PCDH7: variants seen among roughly 807,000 people sequenced by gnomAD.
The protein encoded by PCDH7 is protocadherin-7.
In PCDH7, 17 loss-of-function variants were observed where a neutral mutation model predicts 58.9. The ratio of observed to expected loss-of-function variants is 0.29; its 90% CI spans 0.20 to 0.43. The LOEUF is 0.43. Among genes scored for constraint, PCDH7 ranks in the 20% least tolerant of loss-of-function variants. PCDH7 has a pLI of 1.00. For synonymous variants in PCDH7, 664 were observed against 616.4 expected (o/e 1.08, Z -1.14); for missense variants, 1,274 against 1,441.0 (o/e 0.88, Z 1.88).
chr4:30,855,786 C>T (rs1014287591), intron 1 of PCDH7, among the ~76,000 whole-genome samples: 2 of 152,076 alleles, frequency 1.3e-5, no homozygotes, highest in Non-Finnish European at 2.9e-5. Flanking sequence ...TTATTATACA[C>T]GTATTCACCC....
intron 3 of PCDH7, among the ~76,000 whole-genome samples, chr4:30,975,143 TTGTGTGTGTGTGTG>T (rs35675648): frequency 0.012 from 1,731 of 138,838 alleles, 19 homozygotes; most frequent in African/African-American, 0.012. Flanking sequence ...TTCCCTTTCA[TTGTGTGTGTGTGTG>T]TGTGTGTGTG....
chr4:31,058,866 T>C (rs1301781631), intron 3 of PCDH7, among the ~76,000 whole-genome samples: 3 of 151,884 alleles, frequency 2.0e-5, no homozygotes, highest in African/African-American at 7.2e-5. Flanking sequence ...ATAGAAGAAT[T>C]AACAAAAGCA....
intron 3 of PCDH7, among the ~76,000 whole-genome samples, chr4:30,999,279 G>A (rs28457098): frequency 0.095 from 14,388 of 152,050 alleles, 1,103 homozygotes; most frequent in East Asian, 0.3. Context: ...TTGCCTGTGA[G>A]CATAATTATT....
intron 1 of PCDH7, among the ~76,000 whole-genome samples, chr4:30,883,553 C>G (rs1210626306): frequency 2.0e-5 from 3 of 152,122 alleles, no homozygotes; most frequent in Non-Finnish European, 2.9e-5. Flanking sequence ...CCATGGCAAC[C>G]CCAAAGACCC....
At chr4:31,060,413 A>G (rs1258509406) in intron 3 of PCDH7, among the ~76,000 whole-genome samples, 2 of 151,652 alleles carry the variant, frequency 1.3e-5, no homozygotes, top group East Asian at 1.9e-4. Context: ...AGGTTCTTAA[A>G]TGCTTTTGTC....
chr4:30,891,708 A>C (rs1439310500), intron 1 of PCDH7, among the ~76,000 whole-genome samples: 1 of 151,994 alleles, frequency 6.6e-6, no homozygotes. Context: ...TTATTGATTA[A>C]TATAAAACTG....
chr4:31,135,274 G>T (rs544818945), intron 3 of PCDH7, among the ~76,000 whole-genome samples: 20 of 152,276 alleles, frequency 1.3e-4, no homozygotes, highest in Non-Finnish European at 2.4e-4. Flanking sequence ...TATCTTAGGG[G>T]CAAGTTTCAA....
intron 1 of PCDH7, among the ~76,000 whole-genome samples, chr4:30,727,120 T>G (rs1028663875): frequency 6.6e-6 from 1 of 151,944 alleles, no homozygotes; most frequent in Non-Finnish European, 1.5e-5. Flanking sequence ...GTTGTATTCT[T>G]TCAATTCCAT....
intron 3 of PCDH7, among the ~76,000 whole-genome samples, chr4:31,040,674 A>G (rs2109203502): frequency 6.6e-6 from 1 of 152,292 alleles, no homozygotes. Context: ...TCATTAGGTA[A>G]GCCTTTACTC....
At chr4:31,044,762 T>G (rs1477194607) in intron 3 of PCDH7, among the ~76,000 whole-genome samples, 2 of 152,096 alleles carry the variant, frequency 1.3e-5, no homozygotes, top group Non-Finnish European at 2.9e-5. Flanking sequence ...TTGGTTATTT[T>G]AATAAGCTTG....
chr4:30,865,166 G>A (rs1251684218), intron 1 of PCDH7, among the ~76,000 whole-genome samples: 1 of 151,974 alleles, frequency 6.6e-6, no homozygotes, highest in Non-Finnish European at 1.5e-5. Flanking sequence ...AAGGAAGTCA[G>A]GATGATGAAA....
chr4:30,923,665 G>T (rs547871582), intron 2 of PCDH7, among the ~76,000 whole-genome samples: 2 of 152,192 alleles, frequency 1.3e-5, no homozygotes, highest in African/African-American at 4.8e-5. Context: ...TCCCTGGAAA[G>T]TAACACTAGA....
chr4:30,881,614 A>G (rs1736984926), intron 1 of PCDH7, among the ~76,000 whole-genome samples: 1 of 152,140 alleles, frequency 6.6e-6, no homozygotes, highest in Non-Finnish European at 1.5e-5. Flanking sequence ...CAGCTTTGGA[A>G]TGCAGTTTTT....
chr4:31,084,771 G>A (rs185437363), intron 3 of PCDH7, among the ~76,000 whole-genome samples: 6,214 of 105,432 alleles, frequency 0.059, 322 homozygotes, highest in South Asian at 0.12. Flanking sequence ...GAGATGGGGA[G>A]GAGGGGGAGG....
chr4:30,906,185 G>A (rs1458734472), intron 1 of PCDH7, among the ~76,000 whole-genome samples: 1 of 152,086 alleles, frequency 6.6e-6, no homozygotes, highest in Non-Finnish European at 1.5e-5. Context: ...AGTGAACAAA[G>A]TCTACCCTGA....
intron 3 of PCDH7, among the ~76,000 whole-genome samples, chr4:30,956,332 T>C (rs1435881424): frequency 1.3e-5 from 2 of 152,210 alleles, no homozygotes; most frequent in South Asian, 2.1e-4. Flanking sequence ...GTGATAAAAT[T>C]ATCAAATATT....
At chr4:31,060,639 C>T (rs1757613667) in intron 3 of PCDH7, among the ~76,000 whole-genome samples, 1 of 151,790 alleles carries the variant, frequency 6.6e-6, no homozygotes, top group Non-Finnish European at 1.5e-5. Flanking sequence ...TTCTTACCAT[C>T]TCCAAAACCT....
intron 3 of PCDH7, among the ~76,000 whole-genome samples, chr4:30,962,321 A>G (rs1261073413): frequency 6.6e-6 from 1 of 152,208 alleles, no homozygotes; most frequent in Non-Finnish European, 1.5e-5. Flanking sequence ...GTTATTACAG[A>G]GCACATGCCA....
intron 1 of PCDH7, among the ~76,000 whole-genome samples, chr4:30,822,528 T>G (rs563676553): frequency 1.8e-4 from 27 of 152,318 alleles, no homozygotes; most frequent in Admixed American, 9.8e-4. Flanking sequence ...CTTAAATAGC[T>G]ACTTTACATT....
Sources: gnomAD v4.1 joint callset for allele counts (sites outside exome capture counted in the v4.1 genomes callset) on GRCh38, gnomAD v4.1.1 for gene constraint, MANE v1.5 for transcripts, NCBI Gene and HGNC (gene_info 2026-07-23, HGNC 2026-07-21) for gene names.